The following RUVBL1 variants were observed in gnomAD, a reference collection of about 807,000 sequenced individuals.
The protein encoded by RUVBL1 is RuvB like AAA ATPase 1.
A neutral mutation model predicts 52.4 loss-of-function variants in RUVBL1; 4 were observed. That is an observed-to-expected ratio of 0.08 (90% confidence interval 0.04 to 0.17). The LOEUF (loss-of-function observed/expected upper bound fraction) is 0.17, where lower values mean the gene tolerates loss of function less well. Among genes scored for constraint, RUVBL1 ranks in the 10% least tolerant of loss-of-function variants. The probability of loss-of-function intolerance (pLI) is 1.00; values close to 1 mark genes in which losing one functional copy is unlikely to be tolerated. For missense variants in RUVBL1, 298 were observed against 572.8 expected, an observed-to-expected ratio of 0.52 and a Z score of 4.90; for synonymous variants, 217 against 214.4, an observed-to-expected ratio of 1.01 and a Z score of -0.10.
chr3:128,082,778 A>C lies in RUVBL1; in HGVS notation c.1120-204T>G. On this transcript the variant is annotated intron_variant, in intron 9 of 10. Transcript: ENST00000322623. This position sits in a 1 kb window ranked among gnomAD's most constrained non-coding sequence, Gnocchi z 4.7. ...AGGCATGTGCGGCCCTGCAGTATGC[A>C]TGAATAGCATCACGGCCAGTGTGCT... is the stretch of plus-strand genomic sequence containing the variant. 3.9e-6 allele frequency: 2 copies of C among 509,144 alleles called. No individual in the cohort carries two copies. Among genetic ancestry groups the C allele is most frequent in the Non-Finnish European group, 7.1e-6 (2 of 281,890 alleles). 31.5% of individuals were successfully genotyped at this position (509,144 alleles called of 1,614,324 possible).
chr3:128,139,544 T>C (rs563689574), intron 1 of RUVBL1, among the ~76,000 whole-genome samples: 3 of 152,166 alleles, frequency 2.0e-5, no homozygotes, highest in South Asian at 2.1e-4. Flanking sequence ...AGACAGGCAA[T>C]AAAAAATGCT....
intron 9 of RUVBL1, among the ~76,000 whole-genome samples, chr3:128,075,636 A>G (rs1171639296): frequency 2.0e-5 from 3 of 151,526 alleles, no homozygotes; most frequent in East Asian, 3.9e-4. Context: ...GCTGGGTGTG[A>G]CTTGGAATCT....
At chr3:128,087,114 C>G (rs1349631459) in intron 9 of RUVBL1, among the ~76,000 whole-genome samples, 1 of 152,264 alleles carries the variant, frequency 6.6e-6, no homozygotes, top group South Asian at 2.1e-4. Context: ...AAGCCACAGA[C>G]CTGCCCAGGG....
At chr3:128,093,083 T>C (rs1448064280) in intron 8 of RUVBL1, among the ~76,000 whole-genome samples, 1 of 152,134 alleles carries the variant, frequency 6.6e-6, no homozygotes, top group East Asian at 1.9e-4. Context: ...CCATTATTCA[T>C]AATAACCCAA....
chr3:128,146,648 G>A (rs1944108968), intron 1 of RUVBL1, among the ~76,000 whole-genome samples: 3 of 150,104 alleles, frequency 2.0e-5, no homozygotes, highest in African/African-American at 7.4e-5. Context: ...GTATGCGTGT[G>A]TGTCTCATGC....
chr3:128,143,341 T>C lies in RUVBL1; in HGVS notation c.-40+9862A>G, dbSNP rs775230273. ...GCATGGGCCACTATGCCCAGCTAAT[T>C]TTTGTATTTTTAGTAGAGACGAGGT... On this transcript the variant is annotated intron_variant, in intron 1 of 9. Coordinates refer to the RUVBL1 transcript ENST00000464873. Among the ~76,000 whole-genome samples, 47 of 151,902 alleles carry C rather than the reference T, an allele frequency of 3.1e-4. 1 individual carries two copies. The highest frequency in any genetic ancestry group is 1.2e-3 in the Admixed American group (19 of 15,262).
Position 128,067,694 on chromosome 3 carries a change from T to A in RUVBL1, c.940-2474A>T. 8.7e-7 allele frequency: 1 copy of A among 1,147,158 alleles called. No homozygotes were observed. Among genetic ancestry groups the A allele is most frequent in the Non-Finnish European group, 1.3e-6 (1 of 794,908 alleles). The allele number at this position is 1,147,158 out of a possible 1,614,324, so 71.1% of individuals were successfully genotyped here. A position where few individuals can be genotyped will look rare whatever the true frequency, so the allele number is the denominator to read the frequency against. ...TGTGGACTTGTCACCTCATCATAAATAATGGTCTGTGACGTGTGCAGATAG... is the reference window on the plus strand; with the variant it reads ...TGTGGACTTGTCACCTCATCATAAAAAATGGTCTGTGACGTGTGCAGATAG... On this transcript the variant is annotated intron_variant, in intron 9 of 9. Transcript: ENST00000464873. The surrounding 1 kb of genome is among the most constrained non-coding windows in gnomAD (Gnocchi z 4.1).
intron 1 of RUVBL1, among the ~76,000 whole-genome samples, chr3:128,149,796 C>T (rs1374704940): frequency 6.6e-6 from 1 of 152,222 alleles, no homozygotes; most frequent in Non-Finnish European, 1.5e-5. Flanking sequence ...GATGTTGTAA[C>T]ACCAATCTCA....
chr3:128,089,940 A>C (rs900522758), intron 8 of RUVBL1, among the ~76,000 whole-genome samples: 8 of 112,284 alleles, frequency 7.1e-5, no homozygotes, highest in East Asian at 2.9e-4. Flanking sequence ...AAAAAAAAAA[A>C]CACAGAAATA....
intron 9 of RUVBL1, among the ~76,000 whole-genome samples, chr3:128,074,842 C>CA (rs386397876): frequency 0.025 from 1,786 of 71,494 alleles, 28 homozygotes; most frequent in East Asian, 0.057. Context: ...AACTCCGTCT[C>CA]AAAAAAAAAA....
upstream of RUVBL1, among the ~76,000 whole-genome samples, chr3:128,124,106 T>C (rs1423502696): frequency 2.0e-5 from 3 of 152,184 alleles, no homozygotes; most frequent in Non-Finnish European, 2.9e-5. Context: ...TTAGCACATT[T>C]GAACGTCATA....
In RUVBL1 at chr3:128,067,747, A is replaced by G. The variant is rs973554351; in HGVS notation, c.940-2527T>C. 2.2e-5 allele frequency: 16 copies of G among 743,818 alleles called. No individual in the cohort carries two copies. The highest frequency in any genetic ancestry group is 2.8e-5 in the Non-Finnish European group (13 of 456,806). 46.1% of individuals were successfully genotyped at this position (743,818 alleles called of 1,614,324 possible). ...CGTCGTCCTTTAGGGGGCAGTTCAG[A>G]AGCTTTAAGGGCTGACAGATGGAGT... On this transcript the variant is annotated intron_variant, in intron 9 of 9. Coordinates refer to the RUVBL1 transcript ENST00000464873. This position sits in a 1 kb window ranked among gnomAD's most constrained non-coding sequence, Gnocchi z 4.1.
At chr3:128,108,747 C>T (rs556221200) in intron 3 of RUVBL1, among the ~76,000 whole-genome samples, 2 of 151,868 alleles carry the variant, frequency 1.3e-5, no homozygotes, top group East Asian at 3.9e-4. Flanking sequence ...TAACATCTTA[C>T]TGTTCATCTC....
intron 9 of RUVBL1, chr3:128,068,062 G>T: frequency 6.2e-7 from 1 of 1,613,290 alleles, no homozygotes; most frequent in South Asian, 1.1e-5. Context: ...CTCAACCGGT[G>T]AGTGGTGGCC....
Position 128,081,249 on chromosome 3 carries a change from C to G in RUVBL1, c.*1G>C. On this transcript the variant is annotated 3_prime_UTR_variant, in exon 11 of 11. Coordinates refer to ENST00000322623, the MANE Select transcript of RUVBL1 (RefSeq NM_003707.3). The surrounding 1 kb of genome is among the most constrained non-coding windows in gnomAD (Gnocchi z 4.8). ...TCTTACTGCTGAAAACCTCAGCCAT[C>G]TCACTTCATGTACTTATCCTGCTGG... The G allele has an allele frequency of 6.2e-7, 1 of 1,612,436 alleles. No homozygotes were observed. The highest frequency in any genetic ancestry group is 8.5e-7 in the Non-Finnish European group (1 of 1,178,586).
rs1559833155 is a variant in RUVBL1, at chr3:128,130,617, T to A, written c.-39-11203A>T. On this transcript the variant is annotated intron_variant, in intron 1 of 9. Transcript: ENST00000464873. ...CTACAAAAAAAAAAAAAAAAAAATT[T>A]TATTTATTTATGTATTTATTTATTT... Among the ~76,000 whole-genome samples, 46 of 45,244 alleles carry A rather than the reference T, an allele frequency of 1.0e-3. 2 individuals carry two copies. The highest frequency in any genetic ancestry group is 4.2e-3 in the African/African-American group (46 of 11,046). The allele number at this position is 45,244 out of a possible 152,430, so 29.7% of individuals were successfully genotyped here.
At position 128,074,377 on chromosome 3, in the gene RUVBL1, CAA is replaced by C. The variant is rs35544549; in HGVS notation, c.940-9159_940-9158del. Among the ~76,000 whole-genome samples the C allele has an allele frequency of 1.4e-3, 209 of 146,300 alleles. 1 individual carries two copies. Among genetic ancestry groups the C allele is most frequent in the Non-Finnish European group, 4.5e-4 (30 of 66,638 alleles). On this transcript the variant is annotated intron_variant, in intron 9 of 9. Transcript: ENST00000464873. Reference sequence around the variant, plus strand: ...TAGAGCAGGAAAACCTAATCTATTGCAAAAAAAAAAAAAATTCTAACAGTGGT... The same window carrying C: ...TAGAGCAGGAAAACCTAATCTATTGCAAAAAAAAAAAATTCTAACAGTGGT...
At chr3:128,068,916 A>G (rs768252037) in intron 9 of RUVBL1, 2 of 152,356 alleles carry the variant, frequency 1.3e-5, no homozygotes, top group Non-Finnish European at 2.9e-5. Flanking sequence ...GGCCTTACCT[A>G]AAGGAAGCAA....
chr3:128,118,878 T>TA (rs1287291849), intron 2 of RUVBL1, among the ~76,000 whole-genome samples: 1 of 152,218 alleles, frequency 6.6e-6, no homozygotes, highest in East Asian at 1.9e-4. Flanking sequence ...CCCTTGAAGA[T>TA]AAAAATCATG....
Sources: allele counts gnomAD v4.1 joint callset (sites outside exome capture counted in the v4.1 genomes callset), GRCh38; gene constraint gnomAD v4.1.1; non-coding constraint Gnocchi (gnomAD v3.1); transcripts MANE v1.5; gene names NCBI Gene and HGNC (gene_info 2026-07-23, HGNC 2026-07-21).